Variants in FRMD4A observed in about 807,000 individuals in gnomAD.
FRMD4A encodes the protein FERM domain-containing protein 4A.
In FRMD4A, 29 loss-of-function variants were observed where a neutral mutation model predicts 129.1. The observed-to-expected ratio is 0.22, with a 90% confidence interval of 0.17 to 0.31. The LOEUF is 0.31. Among genes scored for constraint, FRMD4A ranks in the 10% least tolerant of loss-of-function variants. The pLI is 1.00. For synonymous variants in FRMD4A, 634 were observed against 571.6 expected, an observed-to-expected ratio of 1.11 and a Z score of -1.56; for missense variants, 1,272 against 1,375.8, an observed-to-expected ratio of 0.92 and a Z score of 1.19.
At chr10:14,008,654 G>T in intron 2 of FRMD4A, 1 of 203,386 alleles carries the variant, frequency 4.9e-6, no homozygotes, top group Non-Finnish European at 8.7e-6. Context: ...AGACTATTTG[G>T]AATATCACCA....
intron 3 of FRMD4A, among the ~76,000 whole-genome samples, chr10:13,817,296 T>A (rs939573712): frequency 9.9e-5 from 15 of 152,202 alleles, no homozygotes; most frequent in African/African-American, 3.6e-4. Flanking sequence ...AGATCTGAGT[T>A]CTTGAGAACA....
intron 2 of FRMD4A, among the ~76,000 whole-genome samples, chr10:14,265,460 T>C (rs1348385179): frequency 6.6e-6 from 1 of 152,250 alleles, no homozygotes; most frequent in Non-Finnish European, 1.5e-5. Flanking sequence ...TGATATTAAA[T>C]ATATGCTATT....
chr10:14,028,278 A>G (rs1339804867), intron 2 of FRMD4A, among the ~76,000 whole-genome samples: 1 of 152,216 alleles, frequency 6.6e-6, no homozygotes, highest in Non-Finnish European at 1.5e-5. Context: ...GCCTACAAAG[A>G]TGATTAAGAT....
chr10:14,052,193 G>A (rs1001580144), intron 2 of FRMD4A, among the ~76,000 whole-genome samples: 4 of 152,188 alleles, frequency 2.6e-5, no homozygotes, highest in Admixed American at 6.5e-5. Context: ...GAGGTCTCCA[G>A]AGGGAACTAA....
chr10:14,108,906 T>C (rs1263934248), intron 2 of FRMD4A, among the ~76,000 whole-genome samples: 2 of 152,126 alleles, frequency 1.3e-5, no homozygotes, highest in Admixed American at 1.3e-4. Context: ...AATCTCAAAG[T>C]CTCTGGCTGC....
intron 2 of FRMD4A, among the ~76,000 whole-genome samples, chr10:13,946,428 A>C (rs1431736748): frequency 6.6e-6 from 1 of 152,200 alleles, no homozygotes; most frequent in Admixed American, 6.5e-5. Context: ...AAAAAATTCT[A>C]GGTGCTCCTA....
In FRMD4A at chr10:13,670,653, A is replaced by G. The variant is rs979366677; in HGVS notation, c.1252-125T>C. On this transcript the variant is annotated intron_variant, in intron 16 of 24. Coordinates refer to ENST00000357447, the MANE Select transcript of FRMD4A (RefSeq NM_018027.5). The stretch of plus-strand genomic sequence containing the variant: ...CACGCATGCACTTCGATACAGGTCA[A>G]CGCTTATGCTAGAAATGTTCACATT... 3.7e-6 allele frequency: 3 copies of G among 818,512 alleles called. No homozygotes were observed. The African/African-American group carries it at 5.1e-5, about 14-fold the overall frequency. 50.7% of individuals were successfully genotyped at this position (818,512 alleles called of 1,614,324 possible). A position where few individuals can be genotyped will look rare whatever the true frequency, so the allele number is the denominator to read the frequency against.
chr10:14,129,184 T>G (rs1839093113), intron 2 of FRMD4A, among the ~76,000 whole-genome samples: 1 of 151,728 alleles, frequency 6.6e-6, no homozygotes, highest in South Asian at 2.1e-4. Flanking sequence ...AATCATTCTG[T>G]CTTTCCCCTC....
intron 2 of FRMD4A, among the ~76,000 whole-genome samples, chr10:13,899,313 CT>C (rs773749220): frequency 6.6e-6 from 1 of 152,144 alleles, no homozygotes; most frequent in African/African-American, 2.4e-5. Flanking sequence ...AGTGCTAGAG[CT>C]TTCCAAACTT....
intron 5 of FRMD4A, among the ~76,000 whole-genome samples, chr10:13,786,179 T>A (rs936197675): frequency 4.6e-5 from 7 of 152,204 alleles, no homozygotes; most frequent in Non-Finnish European, 7.3e-5. Flanking sequence ...TAATTCTAGA[T>A]CCTTGAGGAA....
intron 2 of FRMD4A, among the ~76,000 whole-genome samples, chr10:13,994,278 C>G (rs181532850): frequency 1.0e-4 from 15 of 147,560 alleles, no homozygotes; most frequent in Non-Finnish European, 1.8e-4. Context: ...CTCCCGGGTT[C>G]AAGCAATTCC....
chr10:14,274,043 A>G (rs1407645126), intron 2 of FRMD4A, among the ~76,000 whole-genome samples: 7 of 152,198 alleles, frequency 4.6e-5, no homozygotes, highest in Admixed American at 4.6e-4. Flanking sequence ...CGAATGCTCA[A>G]TTCCATGGAG....
At chr10:13,682,708 G>C (rs530327047) in intron 15 of FRMD4A, among the ~76,000 whole-genome samples, 1 of 152,044 alleles carries the variant, frequency 6.6e-6, no homozygotes, top group East Asian at 1.9e-4. Context: ...TAGAGATATA[G>C]TATGTTGGTC....
At chr10:14,196,146 TA>T in intron 2 of FRMD4A, among the ~76,000 whole-genome samples, 1 of 143,988 alleles carries the variant, frequency 6.9e-6, no homozygotes, top group Middle Eastern at 3.4e-3. Context: ...TAAACATATA[TA>T]CTCACATGCA....
intron 2 of FRMD4A, among the ~76,000 whole-genome samples, chr10:13,924,000 C>A (rs2095102067): frequency 6.6e-6 from 1 of 152,206 alleles, no homozygotes. Flanking sequence ...GAGGGATCAA[C>A]CATCAGGTTG....
rs149537482 is a variant in FRMD4A at position 14,170,248 on chromosome 10, T to A, written c.45+159810A>T. The stretch of plus-strand genomic sequence containing the variant: ...ATATAGCATGATCAGGAAAGACAAT[T>A]CTTGAACTAACTCTAGCTCTGTGTG... On this transcript the variant is annotated intron_variant, in intron 2 of 24. Transcript: ENST00000357447. Among the ~76,000 whole-genome samples the A allele has an allele frequency of 4.9e-3, 750 of 152,314 alleles. 3 individuals carry two copies. The highest frequency in any genetic ancestry group is 0.017 in the African/African-American group (708 of 41,560).
chr10:13,908,499 C>T (rs899208111), intron 2 of FRMD4A, among the ~76,000 whole-genome samples: 5 of 152,322 alleles, frequency 3.3e-5, no homozygotes, highest in South Asian at 2.1e-4. Flanking sequence ...CATTCAACAT[C>T]ACATTTTTGA....
chr10:14,078,697 C>T (rs768663069), intron 2 of FRMD4A, among the ~76,000 whole-genome samples: 3 of 152,270 alleles, frequency 2.0e-5, no homozygotes, highest in Non-Finnish European at 2.9e-5. Flanking sequence ...ATGAAAAAAA[C>T]GAAGCTTGAA....
chr10:14,258,087 T>C (rs1844678317), intron 2 of FRMD4A, among the ~76,000 whole-genome samples: 1 of 151,916 alleles, frequency 6.6e-6, no homozygotes, highest in South Asian at 2.1e-4. Flanking sequence ...TAGAATACAA[T>C]GAAGATAAAA....
Sources: gnomAD v4.1 joint callset for allele counts (sites outside exome capture counted in the v4.1 genomes callset) on GRCh38, gnomAD v4.1.1 for gene constraint, MANE v1.5 for transcripts, NCBI Gene and HGNC (gene_info 2026-07-23, HGNC 2026-07-21) for gene names.